Variants in BEND4 observed in about 807,000 individuals in gnomAD.
BEND4 encodes the protein BEN domain containing 4.
BEND4 carries 27 observed loss-of-function variants against 54.7 expected under a neutral mutation model. That is an observed-to-expected ratio of 0.49 (90% CI 0.36 to 0.68). The LOEUF (loss-of-function observed/expected upper bound fraction) is 0.68. Ranked by LOEUF, BEND4 falls within the 30% of genes least tolerant of loss-of-function variation. The probability of loss-of-function intolerance (pLI) is 0.00; values close to 1 mark genes in which losing one functional copy is unlikely to be tolerated. For missense variants in BEND4, 702 were observed against 697.2 expected, an observed-to-expected ratio of 1.01 and a Z score of -0.08; for synonymous variants, 327 against 299.5, an observed-to-expected ratio of 1.09 and a Z score of -0.95.
At chr4:42,128,899 G>A (rs1337340510) in intron 3 of BEND4, among the ~76,000 whole-genome samples, 2 of 152,064 alleles carry the variant, frequency 1.3e-5, no homozygotes, top group Non-Finnish European at 2.9e-5. Context: ...CTGTGCCACC[G>A]CACTCCAGCT....
chr4:42,117,275 G>A lies in BEND4; in HGVS notation c.*243C>T. 1 of 409,526 alleles carries A rather than the reference G, an allele frequency of 2.4e-6. No individual in the cohort carries two copies. Among genetic ancestry groups the A allele is most frequent in the Admixed American group, 4.2e-5 (1 of 23,724 alleles). The allele number at this position is 409,526 out of a possible 1,614,324, so 25.4% of individuals were successfully genotyped here. ...TTTTTTCACCCTCATGATCTAGCTA[G>A]TAATCATTTAAAAATCAGATGTAGT... On this transcript the variant is annotated 3_prime_UTR_variant, in exon 6 of 6. Coordinates refer to ENST00000502486, the MANE Select transcript of BEND4 (RefSeq NM_207406.4).
chr4:42,136,167 C>A (rs1489031113), intron 3 of BEND4, among the ~76,000 whole-genome samples: 1 of 152,194 alleles, frequency 6.6e-6, no homozygotes, highest in Non-Finnish European at 1.5e-5. Context: ...CCGACCTAAG[C>A]ATTTTCCCTC....
chr4:42,133,647 G>C (rs1720586422), intron 3 of BEND4, among the ~76,000 whole-genome samples: 1 of 152,134 alleles, frequency 6.6e-6, no homozygotes, highest in Non-Finnish European at 1.5e-5. Flanking sequence ...GTGGTCAGGA[G>C]ATCGAGACCA....
At chr4:42,122,047 G>C (rs1424033581) in intron 4 of BEND4, among the ~76,000 whole-genome samples, 2 of 152,088 alleles carry the variant, frequency 1.3e-5, no homozygotes, top group Non-Finnish European at 2.9e-5. Context: ...GGGTGAAATC[G>C]GGGGGCTGGC....
At chr4:42,123,584 G>A (rs1302422288) in intron 4 of BEND4, among the ~76,000 whole-genome samples, 1 of 150,868 alleles carries the variant, frequency 6.6e-6, no homozygotes, top group Non-Finnish European at 1.5e-5. Context: ...GAAGAAGTGG[G>A]CTTTTCAGCG....
chr4:42,150,609 GAACTTTTAGTTCT>G (rs1392303835), intron 2 of BEND4, among the ~76,000 whole-genome samples: 1 of 152,242 alleles, frequency 6.6e-6, no homozygotes, highest in Non-Finnish European at 1.5e-5. Flanking sequence ...GCCTTGGCAG[GAACTTTTAGTTCT>G]AATGAGTGGA....
intron 3 of BEND4, among the ~76,000 whole-genome samples, chr4:42,143,151 T>C (rs183696571): frequency 8.7e-4 from 132 of 152,320 alleles, no homozygotes; most frequent in African/African-American, 2.9e-3. Flanking sequence ...CACCTTTTAA[T>C]AGGACTATGG....
At chr4:42,139,347 T>C (rs192282363) in intron 3 of BEND4, among the ~76,000 whole-genome samples, 121 of 152,320 alleles carry the variant, frequency 7.9e-4, no homozygotes, top group African/African-American at 2.7e-3. Flanking sequence ...GCCCCTGCCT[T>C]GCATGTAGCT....
Position 42,116,147 on chromosome 4 carries a change from C to T in BEND4, c.*1371G>A, listed in dbSNP as rs1178163597. 1 of 152,196 alleles carries T rather than the reference C, an allele frequency of 6.6e-6. No individual in the cohort carries two copies. The highest frequency in any genetic ancestry group is 1.9e-4 in the East Asian group (1 of 5,192). 9.4% of individuals were successfully genotyped at this position (152,196 alleles called of 1,614,324 possible). ...TCAATGGATGCTCATTAACCTGAAT[C>T]TCCAACCAATTTTCAAAAACCCTTG... On this transcript the variant is annotated 3_prime_UTR_variant, in exon 6 of 6. Coordinates refer to ENST00000502486, the MANE Select transcript of BEND4 (RefSeq NM_207406.4).
intron 3 of BEND4, among the ~76,000 whole-genome samples, chr4:42,129,057 A>G (rs886470373): frequency 1.9e-4 from 29 of 152,358 alleles, no homozygotes; most frequent in African/African-American, 6.0e-4. Flanking sequence ...AAAGCTTCTT[A>G]AGCTGATAAG....
At chr4:42,136,621 G>C (rs543796472) in intron 3 of BEND4, among the ~76,000 whole-genome samples, 1 of 152,196 alleles carries the variant, frequency 6.6e-6, no homozygotes, top group African/African-American at 2.4e-5. Flanking sequence ...TTCAGCTCTC[G>C]TAACTGTAAA....
intron 3 of BEND4, among the ~76,000 whole-genome samples, chr4:42,132,628 T>G (rs372322649): frequency 6.6e-6 from 1 of 151,910 alleles, no homozygotes; most frequent in Non-Finnish European, 1.5e-5. Flanking sequence ...CTATTTTCAG[T>G]AGAGAGGGAG....
At chr4:42,120,535 A>G (rs1236028967) in intron 4 of BEND4, among the ~76,000 whole-genome samples, 2 of 152,254 alleles carry the variant, frequency 1.3e-5, no homozygotes, top group Non-Finnish European at 2.9e-5. Context: ...GGAGCTATTT[A>G]TAACTTACAT....
chr4:42,120,390 A>T, intron 4 of BEND4, 96 bp from the exon 5 acceptor site: 1 of 1,456,068 alleles, frequency 6.9e-7, no homozygotes, highest in Non-Finnish European at 9.3e-7. Flanking sequence ...TTTTTTAACC[A>T]AGTGGCTATG....
At position 42,152,019 on chromosome 4, in the gene BEND4, T is replaced by C. The variant is rs1217255227; in HGVS notation, c.125A>G (p.Glu42Gly). The change falls in exon 2 of 6, where the codon GAG becomes GGG. Residue 42 changes from glutamate to glycine, a missense_variant. Transcript: ENST00000502486. ...CGGCAGCTCCACCAGGGTGGGTCGC[T>C]CGTAGCGCTTGGCCAGCGCCGGTCT... ...SKRPALAKRYERPTLVELPHV... is the reference protein window; with the variant it reads ...SKRPALAKRYGRPTLVELPHV... 8.0e-7 allele frequency: 1 copy of C among 1,252,822 alleles called. No homozygotes were observed. The highest frequency in any genetic ancestry group is 1.0e-6 in the Non-Finnish European group (1 of 992,674). The allele number at this position is 1,252,822 out of a possible 1,614,324, so 77.6% of individuals were successfully genotyped here. A position where few individuals can be genotyped will look rare whatever the true frequency, so the allele number is the denominator to read the frequency against.
At chr4:42,132,930 G>T (rs968246068) in intron 3 of BEND4, among the ~76,000 whole-genome samples, 2 of 152,106 alleles carry the variant, frequency 1.3e-5, no homozygotes, top group Non-Finnish European at 2.9e-5. Flanking sequence ...GGCTATAAAG[G>T]CAGCTAAAAC....
intron 3 of BEND4, among the ~76,000 whole-genome samples, chr4:42,127,626 T>G (rs551743874): frequency 1.1e-4 from 17 of 152,338 alleles, no homozygotes; most frequent in African/African-American, 4.1e-4. Context: ...CCTTGGGGAC[T>G]TCATTTACTT....
At chr4:42,132,581 A>T (rs1040488968) in intron 3 of BEND4, among the ~76,000 whole-genome samples, 14 of 152,132 alleles carry the variant, frequency 9.2e-5, no homozygotes, top group African/African-American at 2.9e-4. Context: ...AGTAGCTGGG[A>T]TTACAGGCGT....
At chr4:42,129,999 A>G (rs1384381211) in intron 3 of BEND4, among the ~76,000 whole-genome samples, 1 of 152,252 alleles carries the variant, frequency 6.6e-6, no homozygotes, top group African/African-American at 2.4e-5. Flanking sequence ...CAATCTATCC[A>G]TCTGACAAAG....
Sources: gnomAD v4.1 joint callset for allele counts (sites outside exome capture counted in the v4.1 genomes callset) on GRCh38, gnomAD v4.1.1 for gene constraint, MANE v1.5 for transcripts, NCBI Gene and HGNC (gene_info 2026-07-23, HGNC 2026-07-21) for gene names.